RFX8: variants seen among roughly 807,000 people sequenced by gnomAD.
RFX8 encodes the protein DNA-binding protein RFX8.
In RFX8, 46 loss-of-function variants were observed where a neutral mutation model predicts 54.6. The ratio of observed to expected loss-of-function variants is 0.84; its 90% confidence interval spans 0.67 to 1.08. The LOEUF is 1.08. RFX8 is among the 50% of genes least tolerant of loss of function. RFX8 has a pLI of 0.00. For synonymous variants in RFX8, 192 were observed against 209.5 expected (o/e 0.92, Z 0.72); for missense variants, 536 against 562.3 (o/e 0.95, Z 0.47).
At chr2:101,467,965 G>C (rs1200661374) in intron 1 of RFX8, among the ~76,000 whole-genome samples, 1 of 152,112 alleles carries the variant, frequency 6.6e-6, no homozygotes, top group Non-Finnish European at 1.5e-5. Flanking sequence ...CTTGGCATTT[G>C]TTTTTCTAGA....
At chr2:101,437,345 G>A (rs1687835398) in intron 2 of RFX8, among the ~76,000 whole-genome samples, 1 of 152,120 alleles carries the variant, frequency 6.6e-6, no homozygotes, top group Non-Finnish European at 1.5e-5. Flanking sequence ...GACTGAGGCA[G>A]GAGGATCCCT....
intron 5 of RFX8, among the ~76,000 whole-genome samples, chr2:101,418,563 T>C (rs979288207): frequency 1.3e-5 from 2 of 152,232 alleles, no homozygotes; most frequent in African/African-American, 4.8e-5. Context: ...CATTTTAGAA[T>C]GTCTTCTTTT....
At chr2:101,469,018 G>GTATA (rs1177513761) in intron 1 of RFX8, among the ~76,000 whole-genome samples, 2 of 21,446 alleles carry the variant, frequency 9.3e-5, no homozygotes, top group South Asian at 2.1e-3. Context: ...ATATATATAG[G>GTATA]TATATATATA....
chr2:101,474,114 G>A (rs1281845755), intron 1 of RFX8: 23 of 530,396 alleles, frequency 4.3e-5, no homozygotes, highest in Non-Finnish European at 7.2e-5. Context: ...TTGACCCGGC[G>A]TCCCGAGGGC....
chr2:101,440,156 G>A (rs139462512), intron 2 of RFX8, among the ~76,000 whole-genome samples: 211 of 151,614 alleles, frequency 1.4e-3, no homozygotes, highest in Admixed American at 2.0e-3. Flanking sequence ...CAATTCACCC[G>A]TTTAAAGAGT....
chr2:101,411,812 G>A (rs1686148562), intron 8 of RFX8, among the ~76,000 whole-genome samples: 2 of 152,174 alleles, frequency 1.3e-5, no homozygotes, highest in East Asian at 3.9e-4. Context: ...CAACAACTAG[G>A]GATATATTTT....
chr2:101,438,049 A>C (rs1235614501), intron 2 of RFX8, among the ~76,000 whole-genome samples: 1 of 151,514 alleles, frequency 6.6e-6, no homozygotes, highest in African/African-American at 2.4e-5. Flanking sequence ...CTTTTTTTTT[A>C]ATTTTAATTT....
At chr2:101,425,591 T>C (rs1009408524) in intron 2 of RFX8, among the ~76,000 whole-genome samples, 10 of 151,634 alleles carry the variant, frequency 6.6e-5, no homozygotes, top group African/African-American at 1.9e-4. Flanking sequence ...TAAAAGTGTT[T>C]TATTACACAA....
intron 2 of RFX8, among the ~76,000 whole-genome samples, chr2:101,425,395 G>C (rs1687114161): frequency 6.6e-6 from 1 of 152,176 alleles, no homozygotes; most frequent in Non-Finnish European, 1.5e-5. Flanking sequence ...TGTATAACCA[G>C]CTTCCCTACT....
chr2:101,461,680 A>T lies in RFX8; in HGVS notation c.72+5097T>A, dbSNP rs1291344701. ...TTTTAATATAGAGAGCAAATACAAC[A>T]CAGTTAAAATGAAAAAATCAACTGG... is the stretch of plus-strand genomic sequence containing the variant. On this transcript the variant is annotated intron_variant, in intron 2 of 11. Coordinates refer to ENST00000428343, the MANE Select transcript of RFX8 (RefSeq NM_001145664.2). Among the ~76,000 whole-genome samples, 46 of 152,322 alleles carry T rather than the reference A, an allele frequency of 3.0e-4. No homozygotes were observed. The East Asian group carries it at 5.6e-3, about 18-fold the overall frequency.
rs1685488433 is a variant in RFX8 at position 101,402,461 on chromosome 2, A to G, written c.1220T>C (p.Leu407Pro). 1 of 1,549,942 alleles carries G rather than the reference A, an allele frequency of 6.5e-7. No homozygotes were observed. Among genetic ancestry groups the G allele is most frequent in the African/African-American group, 1.4e-5 (1 of 73,036 alleles). ...CTTATTGCCCATGGCAGTGTCCACC[A>G]GGAAGCCCAGGATCCTGAGGACCAT... The part of the protein sequence containing the change: ...SNMVLRILGF[L>P]VDTAMGNKLI... The change falls in exon 11 of 12, where the codon CTG becomes CCG. Residue 407 changes from leucine to proline, a missense_variant. Coordinates refer to ENST00000428343, the MANE Select transcript of RFX8 (RefSeq NM_001145664.2).
chr2:101,397,503 A>C lies in RFX8; in HGVS notation c.*45T>G, dbSNP rs1215560326. 1 of 1,305,734 alleles carries C rather than the reference A, an allele frequency of 7.7e-7. No individual in the cohort carries two copies. Among genetic ancestry groups the C allele is most frequent in the South Asian group, 1.5e-5 (1 of 65,760 alleles). 80.9% of individuals were successfully genotyped at this position (1,305,734 alleles called of 1,614,324 possible). A position where few individuals can be genotyped will look rare whatever the true frequency, so the allele number is the denominator to read the frequency against. On this transcript the variant is annotated 3_prime_UTR_variant, in exon 12 of 12. Coordinates refer to ENST00000428343, the MANE Select transcript of RFX8 (RefSeq NM_001145664.2). ...ACTTTAGTATTTAATATTTTTAAGA[A>C]TGCAAGTCTATCAGTTTTCTTATTC...
At chr2:101,412,152 A>G (rs1045062939) in intron 8 of RFX8, among the ~76,000 whole-genome samples, 1 of 152,158 alleles carries the variant, frequency 6.6e-6, no homozygotes, top group African/African-American at 2.4e-5. Context: ...GAAAGGACAC[A>G]CACAGGGGAG....
At chr2:101,470,753 T>C in intron 1 of RFX8, among the ~76,000 whole-genome samples, 1 of 130,456 alleles carries the variant, frequency 7.7e-6, no homozygotes, top group Admixed American at 8.2e-5. Context: ...GGAGTCTCAC[T>C]CTGTCACCCA....
chr2:101,452,951 A>G (rs1002205535), intron 2 of RFX8, among the ~76,000 whole-genome samples: 1 of 151,778 alleles, frequency 6.6e-6, no homozygotes, highest in African/African-American at 2.4e-5. Context: ...CTAAAAATAC[A>G]AAAATTAGCT....
intron 11 of RFX8, among the ~76,000 whole-genome samples, chr2:101,400,591 T>C (rs1289416155): frequency 4.6e-5 from 7 of 152,230 alleles, no homozygotes; most frequent in Non-Finnish European, 1.0e-4. Flanking sequence ...AAAAGCCCTG[T>C]GGAGATGGTA....
chr2:101,438,623 T>C (rs1687913716), intron 2 of RFX8, among the ~76,000 whole-genome samples: 1 of 152,208 alleles, frequency 6.6e-6, no homozygotes, highest in Non-Finnish European at 1.5e-5. Flanking sequence ...GTTTGGGTGG[T>C]AAATTGTATG....
At chr2:101,400,767 C>A (rs1685391701) in intron 11 of RFX8, among the ~76,000 whole-genome samples, 1 of 152,212 alleles carries the variant, frequency 6.6e-6, no homozygotes, top group South Asian at 2.1e-4. Flanking sequence ...CTGAACACTG[C>A]AGCCCAGCAT....
At chr2:101,455,631 G>A (rs1467211285) in intron 2 of RFX8, among the ~76,000 whole-genome samples, 1 of 152,188 alleles carries the variant, frequency 6.6e-6, no homozygotes, top group Non-Finnish European at 1.5e-5. Flanking sequence ...TTGTAGTATA[G>A]TTTGAAGTCA....
Sources: gnomAD v4.1 joint callset for allele counts (sites outside exome capture counted in the v4.1 genomes callset) on GRCh38, gnomAD v4.1.1 for gene constraint, MANE v1.5 for transcripts, NCBI Gene and HGNC (gene_info 2026-07-23, HGNC 2026-07-21) for gene names.